Variants in GRIK2 observed in about 807,000 individuals in gnomAD.
GRIK2 encodes glutamate ionotropic receptor kainate type subunit 2, also known as glutamate receptor ionotropic, kainate 2.
GRIK2 carries 32 observed loss-of-function variants against 100.3 expected under a neutral mutation model. The ratio of observed to expected loss-of-function variants is 0.32; its 90% CI spans 0.24 to 0.43. GRIK2 has a LOEUF of 0.43. Ranked by LOEUF, GRIK2 falls within the 20% of genes least tolerant of loss-of-function variation. GRIK2 has a pLI of 1.00. For synonymous variants in GRIK2, 417 were observed against 389.4 expected, an observed-to-expected ratio of 1.07 and a Z score of -0.83; for missense variants, 843 against 1,114.9, an observed-to-expected ratio of 0.76 and a Z score of 3.47.
chr6:101,683,201 GA>G (rs201133138), intron 6 of GRIK2, among the ~76,000 whole-genome samples: 27 of 143,732 alleles, frequency 1.9e-4, no homozygotes, highest in African/African-American at 4.3e-4. Context: ...ACTCCATCTA[GA>G]AAAAAAAAAA....
chr6:101,952,916 T>G (rs1562507772), intron 14 of GRIK2, among the ~76,000 whole-genome samples: 1 of 152,200 alleles, frequency 6.6e-6, no homozygotes, highest in Non-Finnish European at 1.5e-5. Context: ...AAATAAACCA[T>G]GTACTCATTA....
rs557073569 is a variant in GRIK2 at position 101,441,195 on chromosome 6, A to G, written c.115+41803A>G. Among the ~76,000 whole-genome samples the G allele has an allele frequency of 3.9e-3, 598 of 152,166 alleles. 5 individuals are homozygous for G. The highest frequency in any genetic ancestry group is 7.9e-3 in the Admixed American group (121 of 15,260). On this transcript the variant is annotated intron_variant, in intron 2 of 16. Coordinates refer to ENST00000369134, the MANE Select transcript of GRIK2 (RefSeq NM_021956.5). ...TCCAGCTCAGCTCTTTCCAAAAGCC[A>G]GTAACCCCATGCAGGTTGGTCCTCG...
At chr6:101,918,543 A>G (rs1257053180) in intron 12 of GRIK2, among the ~76,000 whole-genome samples, 1 of 151,792 alleles carries the variant, frequency 6.6e-6, no homozygotes, top group Admixed American at 6.6e-5. Flanking sequence ...AGGATTATAT[A>G]CTTTCAGCTA....
At chr6:101,733,903 T>C (rs1025296312) in intron 7 of GRIK2, among the ~76,000 whole-genome samples, 1 of 152,028 alleles carries the variant, frequency 6.6e-6, no homozygotes, top group Non-Finnish European at 1.5e-5. Context: ...AGAATCACAT[T>C]TCCTCCAGTT....
intron 4 of GRIK2, among the ~76,000 whole-genome samples, chr6:101,666,364 G>A (rs1222542627): frequency 6.6e-6 from 1 of 152,176 alleles, no homozygotes; most frequent in Admixed American, 6.5e-5. Context: ...AAGCTCACTA[G>A]AGCTTGAATG....
At position 101,849,494 on chromosome 6, in the gene GRIK2, G is replaced by T. The variant is rs1783993119; in HGVS notation, c.1318-9793G>T. ...ACTCACCTTCCTGAAAAGCATAATT[G>T]TTCCACTATTTCTGTTGCCCATTCA... On this transcript the variant is annotated intron_variant, in intron 10 of 16. Transcript: ENST00000369134. 2.0e-5 allele frequency among the ~76,000 whole-genome samples: 3 copies of T among 152,004 alleles called. No individual in the cohort carries two copies. The South Asian group carries it at 6.2e-4, about 31-fold the overall frequency.
At position 101,783,387 on chromosome 6, in the gene GRIK2, A is replaced by G. The variant is rs535323658; in HGVS notation, c.952-16261A>G. Among the ~76,000 whole-genome samples, 3 of 151,970 alleles carry G rather than the reference A, an allele frequency of 2.0e-5. No individual in the cohort carries two copies. The South Asian group carries it at 6.2e-4, about 32-fold the overall frequency. ...CCCTTTGCCTTCTGCCATGATTGTA[A>G]GTTTCCTGAGGCCTCTCCAGTCATG... On this transcript the variant is annotated intron_variant, in intron 7 of 16. Transcript: ENST00000369134.
chr6:101,588,690 G>GA (rs1156453614), intron 2 of GRIK2, among the ~76,000 whole-genome samples: 3 of 79,158 alleles, frequency 3.8e-5, no homozygotes, highest in African/African-American at 1.1e-4. Context: ...ACACAGAAAA[G>GA]AAAGAAAGAA....
rs1771114695 is a variant in GRIK2 at position 101,679,882 on chromosome 6, G to A, written c.724-2671G>A. 2.0e-5 allele frequency among the ~76,000 whole-genome samples: 3 copies of A among 152,106 alleles called. No individual in the cohort carries two copies. The South Asian group carries it at 6.2e-4, about 31-fold the overall frequency. The stretch of plus-strand genomic sequence containing the variant: ...GCCTCCTGAGTAGCCGGTATTACAG[G>A]CAGCTGCCACCACGCCCAGCGTATT... On this transcript the variant is annotated intron_variant, in intron 5 of 16. Coordinates refer to ENST00000369134, the MANE Select transcript of GRIK2 (RefSeq NM_021956.5).
chr6:101,697,340 CGTGTGTGTGTGTGTGT>C (rs63654860), intron 7 of GRIK2, among the ~76,000 whole-genome samples: 26 of 146,778 alleles, frequency 1.8e-4, no homozygotes, highest in East Asian at 4.0e-4. Context: ...TTAGGGTGTA[CGTGTGTGTGTGTGTGT>C]GTGTGTGTGT....
chr6:101,720,953 A>T (rs936108733), intron 7 of GRIK2, among the ~76,000 whole-genome samples: 4 of 152,046 alleles, frequency 2.6e-5, no homozygotes, highest in African/African-American at 9.7e-5. Context: ...TCATCTTAAA[A>T]ATACAGTTCA....
At chr6:101,798,472 G>A (rs1317377725) in intron 7 of GRIK2, among the ~76,000 whole-genome samples, 1 of 151,866 alleles carries the variant, frequency 6.6e-6, no homozygotes, top group Non-Finnish European at 1.5e-5. Context: ...AGAGATTTAT[G>A]AACTATAAAA....
In GRIK2 at chr6:101,963,278, A is replaced by ATTTTTTTTTTTTTTTTTTTTT. The variant is rs3029099; in HGVS notation, c.2085+34663_2085+34683dup. 2.9e-4 allele frequency among the ~76,000 whole-genome samples: 8 copies of ATTTTTTTTTTTTTTTTTTTTT among 27,844 alleles called. 4 individuals are homozygous for ATTTTTTTTTTTTTTTTTTTTT. Among genetic ancestry groups the ATTTTTTTTTTTTTTTTTTTTT allele is most frequent in the East Asian group, 2.1e-3 (2 of 934 alleles). The allele number at this position is 27,844 out of a possible 152,430, so 18.3% of individuals were successfully genotyped here. On this transcript the variant is annotated intron_variant, in intron 14 of 16. Transcript: ENST00000369134. The stretch of plus-strand genomic sequence containing the variant: ...TATTTCATATTTATACTTATTTAGG[A>ATTTTTTTTTTTTTTTTTTTTT]TTTTTTTTTTTTTTTTTTTTTTTTT...
At chr6:102,015,753 T>C (rs1329408849) in intron 14 of GRIK2, among the ~76,000 whole-genome samples, 1 of 152,168 alleles carries the variant, frequency 6.6e-6, no homozygotes, top group Non-Finnish European at 1.5e-5. Context: ...CTTCAGAGTG[T>C]TGTGACCAGT....
At chr6:101,636,754 G>A (rs1781039863) in intron 4 of GRIK2, among the ~76,000 whole-genome samples, 1 of 151,218 alleles carries the variant, frequency 6.6e-6, no homozygotes, top group South Asian at 2.1e-4. Flanking sequence ...TTTGCATTTT[G>A]GGGGGGCGGG....
At chr6:101,442,499 T>TA (rs1770129665) in intron 2 of GRIK2, among the ~76,000 whole-genome samples, 1 of 152,160 alleles carries the variant, frequency 6.6e-6, no homozygotes, top group South Asian at 2.1e-4. Flanking sequence ...CGAACCTTAA[T>TA]ACTTGCCTGA....
chr6:101,648,802 G>T (rs1279292436), intron 4 of GRIK2, among the ~76,000 whole-genome samples: 4 of 152,022 alleles, frequency 2.6e-5, no homozygotes, highest in Non-Finnish European at 4.4e-5. Context: ...AAAGATACCT[G>T]AGATTGGGTA....
intron 4 of GRIK2, among the ~76,000 whole-genome samples, chr6:101,635,384 C>A (rs1303370500): frequency 6.6e-6 from 1 of 151,900 alleles, no homozygotes; most frequent in Non-Finnish European, 1.5e-5. Flanking sequence ...AAACGTAAGA[C>A]CAAAAACCCT....
intron 16 of GRIK2, among the ~76,000 whole-genome samples, chr6:102,066,938 G>A (rs2114541362): frequency 6.6e-6 from 1 of 151,676 alleles, no homozygotes; most frequent in Middle Eastern, 3.4e-3. Flanking sequence ...TGACAGGAAG[G>A]TAATAGAGCA....
Sources: allele counts gnomAD v4.1 joint callset (sites outside exome capture counted in the v4.1 genomes callset), GRCh38; gene constraint gnomAD v4.1.1; transcripts MANE v1.5; gene names NCBI Gene and HGNC (gene_info 2026-07-23, HGNC 2026-07-21).